Variants in ABR observed in about 807,000 individuals in gnomAD.
ABR encodes the protein ABR activator of RhoGEF and GTPase, also known as active breakpoint cluster region-related protein.
In ABR, 35 loss-of-function variants were observed where a neutral mutation model predicts 107.2. The observed-to-expected ratio is 0.33, with a 90% CI of 0.25 to 0.43. The LOEUF (loss-of-function observed/expected upper bound fraction) is 0.43. Ranked by LOEUF, ABR falls within the 20% of genes least tolerant of loss-of-function variation. The pLI, the probability that ABR is intolerant of heterozygous loss-of-function variation, is 1.00. For synonymous variants in ABR, 498 were observed against 462.0 expected (o/e 1.08, Z -1.00); for missense variants, 815 against 1,115.2 (o/e 0.73, Z 3.83).
At chr17:1,043,147 A>C (rs1205669455) in intron 16 of ABR, among the ~76,000 whole-genome samples, 5 of 152,170 alleles carry the variant, frequency 3.3e-5, no homozygotes, top group African/African-American at 1.2e-4. Context: ...AAATCCACCT[A>C]TGGCCACGGA....
intron 2 of ABR, among the ~76,000 whole-genome samples, chr17:1,103,387 C>A (rs895584194): frequency 6.6e-6 from 1 of 152,190 alleles, no homozygotes; most frequent in Non-Finnish European, 1.5e-5. Flanking sequence ...CCAGCCTTGA[C>A]AAATGGGAAC....
intron 1 of ABR, among the ~76,000 whole-genome samples, chr17:1,186,367 A>G (rs2042296897): frequency 6.6e-6 from 1 of 152,356 alleles, no homozygotes; most frequent in African/African-American, 2.4e-5. Flanking sequence ...TTTCTGCACC[A>G]AACTTTTGTG....
chr17:1,111,150 TC>T (rs1037559587), intron 2 of ABR, among the ~76,000 whole-genome samples: 1 of 152,172 alleles, frequency 6.6e-6, no homozygotes, highest in Non-Finnish European at 1.5e-5. Context: ...CCTGCTGTGT[TC>T]CTTCCTCCAC....
chr17:1,105,499 A>AT (rs1307032217), intron 2 of ABR, among the ~76,000 whole-genome samples: 1 of 152,148 alleles, frequency 6.6e-6, no homozygotes, highest in Non-Finnish European at 1.5e-5. Context: ...CAAATGGGGG[A>AT]TACAGGCATG....
chr17:1,179,704 GC>G lies in ABR; in HGVS notation c.23del (p.Gly8AlafsTer84). MEPLSHR[G>X]LPRLSWIDTL... ...TGTCGATCCAGGACAGGCGCGGCAGGCCCCGGTGGCTGAGCGGCTCCATCCC... is the reference window on the plus strand; with the variant it reads ...TGTCGATCCAGGACAGGCGCGGCAGGCCCGGTGGCTGAGCGGCTCCATCCC... On this transcript the variant is annotated frameshift_variant, in exon 1 of 23. Transcript: ENST00000302538. LOFTEE classifies it high-confidence loss of function. This position sits in a 1 kb window ranked among gnomAD's most constrained non-coding sequence, Gnocchi z 4.9. The G allele has an allele frequency of 1.3e-6, 2 of 1,556,034 alleles. No homozygotes were observed. The highest frequency in any genetic ancestry group is 1.7e-6 in the Non-Finnish European group (2 of 1,151,306).
At chr17:1,055,295 G>A (rs1465580683) in intron 14 of ABR, 4 of 152,238 alleles carry the variant, frequency 2.6e-5, no homozygotes, top group African/African-American at 9.6e-5. Flanking sequence ...CAAGGGGGAA[G>A]GGGAGAAAAA....
intron 7 of ABR, 51 bp from the exon 8 acceptor site, chr17:1,072,805 T>C: frequency 6.3e-7 from 1 of 1,583,682 alleles, no homozygotes. Context: ...GGGCCTGATG[T>C]GTGGCCACCG....
intron 14 of ABR, 105 bp downstream of exon 14, chr17:1,055,930 G>T: frequency 2.7e-6 from 3 of 1,099,316 alleles, no homozygotes; most frequent in East Asian, 2.4e-5. Context: ...TGGCCTCCAG[G>T]GGAATGCCCC....
At chr17:1,041,079 C>G (rs1265371428) in intron 16 of ABR, among the ~76,000 whole-genome samples, 2 of 152,088 alleles carry the variant, frequency 1.3e-5, no homozygotes, top group Non-Finnish European at 2.9e-5. Context: ...ACCATCACGC[C>G]CGGCTGATTT....
At chr17:1,227,135 G>A (rs998097654) in intron 1 of ABR, among the ~76,000 whole-genome samples, 1 of 152,204 alleles carries the variant, frequency 6.6e-6, no homozygotes, top group African/African-American at 2.4e-5. Flanking sequence ...ACCCAGAGGG[G>A]AGCATCTTTT....
At chr17:1,222,899 A>T (rs536630084) in intron 1 of ABR, among the ~76,000 whole-genome samples, 8 of 151,848 alleles carry the variant, frequency 5.3e-5, no homozygotes, top group Non-Finnish European at 1.2e-4. Flanking sequence ...ACAGAGTAAG[A>T]CCCTGTCTTA....
Position 1,079,406 on chromosome 17 carries a change from G to A in ABR, c.640-16C>T, listed in dbSNP as rs1249833132. On this transcript the variant is annotated splice_polypyrimidine_tract_variant and intron_variant, in intron 5 of 22. Transcript: ENST00000302538. ...CTTTGAGTTCCTGCCAAAGGGAGGA[G>A]AGGAGTCATGGCCTGTTCTGTCCCT... is the stretch of plus-strand genomic sequence containing the variant. 2 of 1,610,142 alleles carry A rather than the reference G, an allele frequency of 1.2e-6. No individual in the cohort carries two copies. The highest frequency in any genetic ancestry group is 1.7e-6 in the Non-Finnish European group (2 of 1,177,716).
intron 1 of ABR, among the ~76,000 whole-genome samples, chr17:1,133,598 G>A (rs890739372): frequency 1.2e-4 from 18 of 152,088 alleles, no homozygotes; most frequent in Non-Finnish European, 1.0e-4. Flanking sequence ...AAAAACATAC[G>A]TGCATAGAAA....
At chr17:1,229,366 C>T (rs1330106692) in exon 1 of ABR, among the ~76,000 whole-genome samples, 2 of 144,370 alleles carry the variant, frequency 1.4e-5, no homozygotes, top group African/African-American at 5.4e-5. Flanking sequence ...TCGGGGCGCC[C>T]GGGGTCCCCG....
intron 2 of ABR, among the ~76,000 whole-genome samples, chr17:1,112,212 C>T (rs571664018): frequency 1.1e-3 from 160 of 152,340 alleles, no homozygotes; most frequent in African/African-American, 3.7e-3. Context: ...ACATACGAGG[C>T]TGGGAGACGG....
intron 16 of ABR, among the ~76,000 whole-genome samples, chr17:1,024,347 C>T (rs1005901042): frequency 6.6e-6 from 1 of 152,242 alleles, no homozygotes; most frequent in African/African-American, 2.4e-5. Context: ...GGCACGCAGC[C>T]CAACCCCAAC....
intron 16 of ABR, among the ~76,000 whole-genome samples, chr17:1,044,063 G>A (rs868692707): frequency 1.3e-5 from 2 of 152,258 alleles, no homozygotes; most frequent in South Asian, 2.1e-4. Flanking sequence ...CGGACCCTGG[G>A]AATATGCTAA....
chr17:1,105,859 C>G (rs1227261484), intron 2 of ABR, among the ~76,000 whole-genome samples: 1 of 146,420 alleles, frequency 6.8e-6, no homozygotes, highest in East Asian at 2.0e-4. Flanking sequence ...GAGTGAGACT[C>G]TGTCTCAAAA....
chr17:1,205,342 G>A (rs151333095), intron 1 of ABR, among the ~76,000 whole-genome samples: 586 of 152,252 alleles, frequency 3.8e-3, no homozygotes, highest in African/African-American at 0.013. Flanking sequence ...ATGAAACAGT[G>A]CACAAATGAG....
Sources: gnomAD v4.1 joint callset for allele counts (sites outside exome capture counted in the v4.1 genomes callset) on GRCh38, gnomAD v4.1.1 for gene constraint, Gnocchi (gnomAD v3.1) non-coding constraint, MANE v1.5 for transcripts, NCBI Gene and HGNC (gene_info 2026-07-23, HGNC 2026-07-21) for gene names.